Variants in NINL observed in about 807,000 individuals in gnomAD.
NINL encodes the protein ninein-like protein.
In NINL, 153 loss-of-function variants were observed where a neutral mutation model predicts 160.3. The observed-to-expected ratio is 0.95, with a 90% CI of 0.84 to 1.09. NINL has a LOEUF of 1.09. Ranked by LOEUF, NINL falls within the 50% of genes least tolerant of loss-of-function variation. The probability of loss-of-function intolerance (pLI) is 0.00; values close to 1 mark genes in which losing one functional copy is unlikely to be tolerated. For synonymous variants in NINL, 800 were observed against 734.8 expected (o/e 1.09, Z -1.43); for missense variants, 1,829 against 1,764.0 (o/e 1.04, Z -0.66).
At chr20:25,462,148 G>A (rs1410077258) in intron 20 of NINL, among the ~76,000 whole-genome samples, 2 of 152,146 alleles carry the variant, frequency 1.3e-5, no homozygotes, top group Admixed American at 1.3e-4. Context: ...ACTGCCCTCG[G>A]GGAACTTTGT....
Position 25,500,977 on chromosome 20 carries a change from T to A in NINL, c.895A>T (p.Thr299Ser), listed in dbSNP as rs2063856823. 1 of 1,613,890 alleles carries A rather than the reference T, an allele frequency of 6.2e-7. No individual in the cohort carries two copies. Residue 299 changes from threonine to serine, a missense_variant, in exon 8 of 24, where the codon ACC becomes TCC. By Grantham distance (58) the Thr-to-Ser change is moderately conservative. Transcript: ENST00000278886. ...PEESGCHTTT[T>S]SSLVSLCSSL... ...GAGCACAGGGACACGAGGGATGAGG[T>A]TGTGGTGGTGTGGCAGCCGCTCTCC...
At position 25,482,074 on chromosome 20, in the gene NINL, C is replaced by T; in HGVS notation, c.1704G>A (p.Leu568=). 1.3e-6 allele frequency: 2 copies of T among 1,598,338 alleles called. No individual in the cohort carries two copies. The highest frequency in any genetic ancestry group is 1.1e-5 in the South Asian group (1 of 91,046). Residue 568 remains leucine, a synonymous_variant, in exon 14 of 24, where the codon CTG becomes CTA. Coordinates refer to ENST00000278886, the MANE Select transcript of NINL (RefSeq NM_025176.6). ...CRDLQDRNDE[L]QAELEGLWAR... is the part of the protein sequence containing the mutation. ...CCCACAGGCCTTCCAGCTCAGCTTG[C>T]AGCTCATCGTTGCGGTCCTGCAGGT...
chr20:25,460,224 C>T (rs551033282), intron 21 of NINL, among the ~76,000 whole-genome samples: 15 of 152,338 alleles, frequency 9.8e-5, no homozygotes, highest in South Asian at 6.2e-4. Flanking sequence ...CCCAGCCTCT[C>T]GTGGCCACTC....
intron 17 of NINL, among the ~76,000 whole-genome samples, chr20:25,473,968 CAA>C (rs1335317410): frequency 2.0e-5 from 3 of 152,150 alleles, no homozygotes; most frequent in Non-Finnish European, 4.4e-5. Flanking sequence ...AACCAGAGCA[CAA>C]AAGTCAGATA....
intron 4 of NINL, among the ~76,000 whole-genome samples, 153 bp downstream of exon 4, chr20:25,512,681 C>T (rs191703680): frequency 1.3e-3 from 192 of 152,342 alleles, no homozygotes; most frequent in Admixed American, 0.013. Flanking sequence ...AAATGGCACT[C>T]CCCAAAGTGA....
At chr20:25,560,820 C>CACA (rs1158050633) in intron 1 of NINL, among the ~76,000 whole-genome samples, 11 of 151,900 alleles carry the variant, frequency 7.2e-5, no homozygotes, top group Non-Finnish European at 1.3e-4. Flanking sequence ...AAATGACAGC[C>CACA]ACAACAACAA....
At chr20:25,505,480 T>C (rs571904491) in intron 5 of NINL, among the ~76,000 whole-genome samples, 2 of 152,328 alleles carry the variant, frequency 1.3e-5, no homozygotes, top group Admixed American at 6.5e-5. Flanking sequence ...CACACACACA[T>C]AACTAGGTGA....
chr20:25,464,082 A>T (rs994339861), intron 19 of NINL, among the ~76,000 whole-genome samples: 39 of 152,240 alleles, frequency 2.6e-4, no homozygotes, highest in African/African-American at 9.4e-4. Context: ...TGAGATAAAC[A>T]CAATAGTGGA....
chr20:25,496,871 T>C (rs1461410075), intron 9 of NINL, 68 bp from the exon 10 acceptor site: 4 of 1,586,582 alleles, frequency 2.5e-6, no homozygotes, highest in Non-Finnish European at 3.4e-6. Context: ...GCCAGGTGGC[T>C]CTGGGCCCCA....
chr20:25,543,835 A>C (rs2064699086), intron 1 of NINL, among the ~76,000 whole-genome samples: 1 of 152,046 alleles, frequency 6.6e-6, no homozygotes, highest in African/African-American at 2.4e-5. Context: ...GGTGAGCATG[A>C]AGTGGCCAAT....
chr20:25,545,044 G>A (rs1260839881), intron 1 of NINL, among the ~76,000 whole-genome samples: 2 of 152,224 alleles, frequency 1.3e-5, no homozygotes, highest in Non-Finnish European at 2.9e-5. Flanking sequence ...CAGCTTTAGG[G>A]AGCATCCAGG....
chr20:25,541,977 C>G (rs1286188019), intron 1 of NINL, among the ~76,000 whole-genome samples: 2 of 152,204 alleles, frequency 1.3e-5, no homozygotes, highest in Non-Finnish European at 2.9e-5. Flanking sequence ...TCAACTATTT[C>G]AAAACTCTGG....
intron 1 of NINL, among the ~76,000 whole-genome samples, chr20:25,565,944 T>G (rs2064995403): frequency 6.6e-6 from 1 of 152,218 alleles, no homozygotes; most frequent in Non-Finnish European, 1.5e-5. Flanking sequence ...GCAGGCTCTC[T>G]GAGCTTTGGC....
chr20:25,470,764 G>A (rs1416047559), intron 17 of NINL, among the ~76,000 whole-genome samples: 1 of 152,158 alleles, frequency 6.6e-6, no homozygotes, highest in East Asian at 1.9e-4. Flanking sequence ...GGAGGCTGAG[G>A]CAGGAAGACT....
chr20:25,556,258 TGG>T (rs2064865352), intron 1 of NINL, among the ~76,000 whole-genome samples: 6 of 152,150 alleles, frequency 3.9e-5, no homozygotes, highest in African/African-American at 1.4e-4. Context: ...CACTCTAGCC[TGG>T]GTGACAGAGC....
intron 1 of NINL, among the ~76,000 whole-genome samples, chr20:25,584,690 G>A (rs907317441): frequency 6.6e-6 from 1 of 152,102 alleles, no homozygotes; most frequent in African/African-American, 2.4e-5. Flanking sequence ...CCAGGGCTTG[G>A]CCTAAGTCTC....
At chr20:25,561,309 G>A (rs2147133042) in intron 1 of NINL, among the ~76,000 whole-genome samples, 1 of 152,324 alleles carries the variant, frequency 6.6e-6, no homozygotes, top group African/African-American at 2.4e-5. Context: ...GAGGTGCCGG[G>A]ATTGCAGACG....
At chr20:25,463,276 A>T (rs1404580095) in intron 19 of NINL, among the ~76,000 whole-genome samples, 1 of 152,080 alleles carries the variant, frequency 6.6e-6, no homozygotes, top group Non-Finnish European at 1.5e-5. Flanking sequence ...CGTTTTTCTC[A>T]TTTCCTCCAC....
chr20:25,548,891 C>A, intron 1 of NINL, among the ~76,000 whole-genome samples: 1 of 147,232 alleles, frequency 6.8e-6, no homozygotes, highest in South Asian at 2.2e-4. Flanking sequence ...GTCCCACACC[C>A]AGCCTCACCC....
Sources: allele counts gnomAD v4.1 joint callset (sites outside exome capture counted in the v4.1 genomes callset), GRCh38; gene constraint gnomAD v4.1.1; transcripts MANE v1.5; gene names NCBI Gene and HGNC (gene_info 2026-07-23, HGNC 2026-07-21).